Variants in TUBB1 observed in about 807,000 individuals in gnomAD.
The protein encoded by TUBB1 is tubulin beta-1 chain.
Under a neutral mutation model 22.6 loss-of-function variants are expected in TUBB1, and 28 were observed. The ratio of observed to expected loss-of-function variants is 1.24; its 90% confidence interval spans 0.92 to 1.70. The LOEUF (loss-of-function observed/expected upper bound fraction) is 1.70, where lower values mean the gene tolerates loss of function less well. Among genes scored for constraint, TUBB1 ranks in the 40% most tolerant of loss-of-function variants. The pLI is 0.00. For synonymous variants in TUBB1, 226 were observed against 238.0 expected (o/e 0.95, Z 0.46); for missense variants, 577 against 605.5 (o/e 0.95, Z 0.49).
At chr20:59,018,775 T>G (rs1391843275), upstream of TUBB1, among the ~76,000 whole-genome samples, 1 of 152,224 alleles carries the variant, frequency 6.6e-6, no homozygotes, top group Non-Finnish European at 1.5e-5. Context: ...AGGGACCCTA[T>G]GGCAAACATT....
chr20:59,025,445 AAAAC>A lies in TUBB1; in HGVS notation c.*666_*669del, dbSNP rs1236947062. 6.5e-6 allele frequency: 1 copy of A among 153,216 alleles called. No individual in the cohort carries two copies. The highest frequency in any genetic ancestry group is 1.5e-5 in the Non-Finnish European group (1 of 68,742). The allele number at this position is 153,216 out of a possible 1,614,324, so 9.5% of individuals were successfully genotyped here. ...ACAAAAATACCTGGTCCAAACAAGA[AAAAC>A]AAAAAGACAAGCAAAACTAAAGAAC... On this transcript the variant is annotated 3_prime_UTR_variant, in exon 4 of 4. Transcript: ENST00000217133.
intron 1 of TUBB1, among the ~76,000 whole-genome samples, chr20:59,022,304 A>G (rs967441370): frequency 6.9e-6 from 1 of 145,798 alleles, no homozygotes; most frequent in Non-Finnish European, 1.5e-5. Flanking sequence ...CACTGCACAG[A>G]TAAGACTCCA....
upstream of TUBB1, among the ~76,000 whole-genome samples, chr20:59,018,508 A>G (rs917813101): frequency 6.6e-6 from 1 of 151,924 alleles, no homozygotes; most frequent in Admixed American, 6.6e-5. Flanking sequence ...CTCAGGTTCA[A>G]GCGATTCTCC....
At position 59,023,925 on chromosome 20, in the gene TUBB1, C is replaced by T; in HGVS notation, c.498C>T (p.Ser166=). The stretch of plus-strand genomic sequence containing the variant: ...AGTACCCGGACCGGATCATGAATTC[C>T]TTCAGCGTCATGCCTTCTCCCAAGG... ...REEYPDRIMN[S]FSVMPSPKVS... Residue 166 remains serine, a synonymous_variant, in exon 4 of 4, where the codon TCC becomes TCT. Coordinates refer to ENST00000217133, the MANE Select transcript of TUBB1 (RefSeq NM_030773.4). 1 of 1,614,238 alleles carries T rather than the reference C, an allele frequency of 6.2e-7. No individual in the cohort carries two copies. The highest frequency in any genetic ancestry group is 2.2e-5 in the East Asian group (1 of 44,880).
At chr20:59,018,733 G>A (rs917865522), upstream of TUBB1, among the ~76,000 whole-genome samples, 1 of 152,184 alleles carries the variant, frequency 6.6e-6, no homozygotes, top group Admixed American at 6.5e-5. Context: ...TTGGGAGTCC[G>A]TTTTGCTCTT....
Position 59,024,057 on chromosome 20 carries a change from C to T in TUBB1, c.630C>T (p.Ile210=). 2 of 1,614,254 alleles carry T rather than the reference C, an allele frequency of 1.2e-6. No homozygotes were observed. The highest frequency in any genetic ancestry group is 4.5e-5 in the East Asian group (2 of 44,888). ...TTGACAATGAGGCCCTCTATGACAT[C>T]TGCTTCCGTACCCTGAAGCTGACGA... ...FCIDNEALYD[I]CFRTLKLTTP... is the part of the protein sequence containing the mutation. The change falls in exon 4 of 4, where the codon ATC becomes ATT. Residue 210 remains isoleucine, a synonymous_variant. Transcript: ENST00000217133. The surrounding 1 kb of genome is among the most constrained non-coding windows in gnomAD (Gnocchi z 4.9).
Position 59,023,801 on chromosome 20 carries a change from A to C in TUBB1, c.374A>C (p.Glu125Ala). ...CTAGAGGTGGTGAGGCACGAGAGTGAGAGCTGTGACTGCCTGCAGGGCTTC... is the reference window on the plus strand; with the variant it reads ...CTAGAGGTGGTGAGGCACGAGAGTGCGAGCTGTGACTGCCTGCAGGGCTTC... ...NVLEVVRHES[E>A]SCDCLQGFQI... is the part of the protein sequence containing the mutation. The change falls in exon 4 of 4, where the codon GAG becomes GCG. Residue 125 changes from glutamate (E) to alanine (A), a missense_variant. Glu to Ala is a moderately radical substitution (Grantham distance 107). Transcript: ENST00000217133. The C allele has an allele frequency of 6.2e-7, 1 of 1,614,224 alleles. No individual in the cohort carries two copies.
intron 1 of TUBB1, among the ~76,000 whole-genome samples, chr20:59,019,883 C>T (rs1026970888): frequency 1.3e-5 from 2 of 152,068 alleles, no homozygotes; most frequent in African/African-American, 2.4e-5. Flanking sequence ...TTACATAATA[C>T]GTTTATCATC....
intron 3 of TUBB1, 42 bp downstream of exon 3, chr20:59,023,642 G>GC (rs1373870176): frequency 2.5e-6 from 4 of 1,613,122 alleles, no homozygotes; most frequent in Non-Finnish European, 2.5e-6. Flanking sequence ...AGGGGGGGAT[G>GC]CTTTACTGGT....
In TUBB1 at chr20:59,023,553, G is replaced by A. The variant is rs572988631; in HGVS notation, c.230G>A (p.Arg77Gln). 8 of 1,614,146 alleles carry A rather than the reference G, an allele frequency of 5.0e-6. No homozygotes were observed. The highest frequency in any genetic ancestry group is 3.3e-5 in the Admixed American group (2 of 60,030). Reference protein sequence around the residue: ...DLEPGTMDSIRSSKLGALFQP... With the variant: ...DLEPGTMDSIQSSKLGALFQP... ...GAACCTGGGACGATGGACAGCATTC[G>A]ATCTAGCAAATTAGGAGCTCTCTTT... is the stretch of plus-strand genomic sequence containing the variant. The change falls in exon 3 of 4, where the codon CGA (arginine) becomes CAA (glutamine). Residue 77 changes from arginine to glutamine, a missense_variant. By Grantham distance (43) the Arg-to-Gln change is conservative (BLOSUM62 1). Coordinates refer to ENST00000217133, the MANE Select transcript of TUBB1 (RefSeq NM_030773.4).
At chr20:59,017,242 T>C (rs2091948755), upstream of TUBB1, among the ~76,000 whole-genome samples, 1 of 152,196 alleles carries the variant, frequency 6.6e-6, no homozygotes, top group African/African-American at 2.4e-5. Context: ...CTTATTTGAA[T>C]TTTGACAATG....
At chr20:59,022,726 G>C (rs1443449402) in intron 1 of TUBB1, 119 bp from the exon 2 acceptor site, 2 of 847,414 alleles carry the variant, frequency 2.4e-6, no homozygotes, top group Non-Finnish European at 4.0e-6. Context: ...GGCCCTAAAA[G>C]AATGTCTTGG....
chr20:59,023,277 C>CTGATGG (rs1555809341), intron 2 of TUBB1, among the ~76,000 whole-genome samples: 2 of 151,884 alleles, frequency 1.3e-5, no homozygotes, highest in African/African-American at 4.8e-5. Flanking sequence ...ACAGAGCAGA[C>CTGATGG]TGATGGAGAT....
At position 59,023,782 on chromosome 20, in the gene TUBB1, G is replaced by C. The variant is rs1428422168; in HGVS notation, c.355G>C (p.Val119Leu). 5.0e-6 allele frequency: 8 copies of C among 1,614,210 alleles called. No individual in the cohort carries two copies. The highest frequency in any genetic ancestry group is 5.9e-6 in the Non-Finnish European group (7 of 1,180,034). ...CGAGCTGATCGAGAATGTCCTAGAG[G>C]TGGTGAGGCACGAGAGTGAGAGCTG... is the stretch of plus-strand genomic sequence containing the variant. ...GAELIENVLEVVRHESESCDC... is the reference protein window; with the variant it reads ...GAELIENVLELVRHESESCDC... The change falls in exon 4 of 4, where the codon GTG becomes CTG. Residue 119 changes from valine to leucine, a missense_variant. Coordinates refer to ENST00000217133, the MANE Select transcript of TUBB1 (RefSeq NM_030773.4).
Position 59,022,004 on chromosome 20 carries a change from TAAATAAAC to T in TUBB1, c.58-837_58-830del, listed in dbSNP as rs1439005115. Among the ~76,000 whole-genome samples, 12 of 146,052 alleles carry T rather than the reference TAAATAAAC, an allele frequency of 8.2e-5. No individual in the cohort carries two copies. In the South Asian group the frequency reaches 1.7e-3, roughly 21 times the overall value. ...GAGTGAAACTCTGTCTCAAAATAAA[TAAATAAAC>T]AAACAAACAAACAAACATAAAAAAA... On this transcript the variant is annotated intron_variant, in intron 1 of 3. Transcript: ENST00000217133.
At position 59,023,016 on chromosome 20, in the gene TUBB1, C is replaced by T. The variant is rs1052200943; in HGVS notation, c.166+63C>T. On this transcript the variant is annotated intron_variant, in intron 2 of 3. Transcript: ENST00000217133. ...ACTGGGAACACAAGCAGAGGAAGGG[C>T]AGAGGCCCAGGAGATGGAAATGTCA... 4.3e-6 allele frequency: 6 copies of T among 1,403,806 alleles called. No homozygotes were observed. The African/African-American group carries it at 8.5e-5, about 20-fold the overall frequency. The allele number at this position is 1,403,806 out of a possible 1,614,324, so 87.0% of individuals were successfully genotyped here. A position where few individuals can be genotyped will look rare whatever the true frequency, so the allele number is the denominator to read the frequency against.
chr20:59,024,500 C>T lies in TUBB1; in HGVS notation c.1073C>T (p.Pro358Leu). 1 of 1,614,174 alleles carries T rather than the reference C, an allele frequency of 6.2e-7. No individual in the cohort carries two copies. The highest frequency in any genetic ancestry group is 8.5e-7 in the Non-Finnish European group (1 of 1,180,054). The change falls in exon 4 of 4, where the codon CCC becomes CTC. Residue 358 changes from proline to leucine, a missense_variant. By Grantham distance (98) the Pro-to-Leu change is moderately conservative. Transcript: ENST00000217133. The surrounding 1 kb of genome is among the most constrained non-coding windows in gnomAD (Gnocchi z 4.9). Reference sequence around the variant, plus strand: ...AAGGTGGCTGTCTGCGACATCCCGCCCCGGGGGCTGAGCATGGCCGCCACC... The same window carrying T: ...AAGGTGGCTGTCTGCGACATCCCGCTCCGGGGGCTGAGCATGGCCGCCACC... The part of the protein sequence containing the change: ...NVKVAVCDIP[P>L]RGLSMAATFI...
upstream of TUBB1, among the ~76,000 whole-genome samples, chr20:59,017,664 G>A (rs2091950234): frequency 6.6e-6 from 1 of 152,222 alleles, no homozygotes; most frequent in Non-Finnish European, 1.5e-5. Flanking sequence ...GGGCTCCAAT[G>A]CTTCAACCAA....
In TUBB1 at chr20:59,024,214, C is replaced by G. The variant is rs2091982180; in HGVS notation, c.787C>G (p.Leu263Val). The part of the protein sequence containing the change: ...LAVNMVPFPR[L>V]HFFMPGFAPL... Reference sequence around the variant, plus strand: ...GGTGAACATGGTCCCCTTCCCCCGCCTGCACTTCTTTATGCCCGGCTTTGC... The same window carrying G: ...GGTGAACATGGTCCCCTTCCCCCGCGTGCACTTCTTTATGCCCGGCTTTGC... The change falls in exon 4 of 4, where the codon CTG (leucine) becomes GTG (valine). Residue 263 changes from leucine (L) to valine (V), a missense_variant. By Grantham distance (32) the Leu-to-Val change is conservative. Coordinates refer to ENST00000217133, the MANE Select transcript of TUBB1 (RefSeq NM_030773.4). This position sits in a 1 kb window ranked among gnomAD's most constrained non-coding sequence, Gnocchi z 4.9. 1 of 1,614,090 alleles carries G rather than the reference C, an allele frequency of 6.2e-7. No homozygotes were observed. The highest frequency in any genetic ancestry group is 1.3e-5 in the African/African-American group (1 of 74,942).
Sources: allele counts gnomAD v4.1 joint callset (sites outside exome capture counted in the v4.1 genomes callset), GRCh38; gene constraint gnomAD v4.1.1; non-coding constraint Gnocchi (gnomAD v3.1); transcripts MANE v1.5; gene names NCBI Gene and HGNC (gene_info 2026-07-23, HGNC 2026-07-21).